CCDC102B: variants seen among roughly 807,000 people sequenced by gnomAD.
CCDC102B encodes coiled-coil domain-containing protein 102B.
In CCDC102B, 75 loss-of-function variants were observed where a neutral mutation model predicts 57.4. The observed-to-expected ratio is 1.31, with a 90% CI of 1.08 to 1.58. CCDC102B has a LOEUF of 1.58. Ranked by LOEUF, CCDC102B falls within the 40% of genes most tolerant of loss-of-function variation. The pLI, the probability that CCDC102B is intolerant of heterozygous loss-of-function variation, is 0.00. For missense variants in CCDC102B, 636 were observed against 582.6 expected (o/e 1.09, Z -0.94); for synonymous variants, 206 against 201.9 (o/e 1.02, Z -0.17).
intron 7 of CCDC102B, chr18:69,011,344 C>A: frequency 2.2e-6 from 1 of 446,560 alleles, no homozygotes; most frequent in Non-Finnish European, 3.9e-6. Context: ...TTCAGCATGA[C>A]CTTGTGTGCA....
chr18:68,971,925 T>TC (rs200038687), intron 6 of CCDC102B, among the ~76,000 whole-genome samples: 3,796 of 152,256 alleles, frequency 0.025, 119 homozygotes, highest in East Asian at 0.15. Context: ...TTCCTTTCCT[T>TC]CACTTCATCT....
intron 2 of CCDC102B, among the ~76,000 whole-genome samples, chr18:68,792,191 A>G (rs1007621264): frequency 2.0e-5 from 3 of 152,218 alleles, no homozygotes; most frequent in Non-Finnish European, 2.9e-5. Context: ...TTTATCAGCT[A>G]TATCTGATGA....
intron 1 of CCDC102B, chr18:68,798,601 T>C (rs992040501): frequency 3.9e-5 from 6 of 152,150 alleles, no homozygotes; most frequent in African/African-American, 1.4e-4. Flanking sequence ...ATGGAAATCC[T>C]CCTATCTATG....
intron 4 of CCDC102B, among the ~76,000 whole-genome samples, chr18:68,850,522 A>G (rs1599563827): frequency 6.6e-6 from 1 of 152,018 alleles, no homozygotes; most frequent in Admixed American, 6.6e-5. Flanking sequence ...AAACTCATCA[A>G]CCTGCCAATT....
chr18:68,943,154 G>C (rs2049434677), intron 6 of CCDC102B, among the ~76,000 whole-genome samples: 1 of 151,018 alleles, frequency 6.6e-6, no homozygotes, highest in Admixed American at 6.6e-5. Context: ...ATTTTTCTTA[G>C]TACAGAACAA....
chr18:68,808,281 A>G (rs1253415912), intron 1 of CCDC102B, among the ~76,000 whole-genome samples: 1 of 152,084 alleles, frequency 6.6e-6, no homozygotes, highest in African/African-American at 2.4e-5. Context: ...TCATATAAAT[A>G]TAATAATTCT....
At chr18:68,887,084 T>G (rs997737059) in intron 5 of CCDC102B, among the ~76,000 whole-genome samples, 1 of 152,076 alleles carries the variant, frequency 6.6e-6, no homozygotes, top group South Asian at 2.1e-4. Flanking sequence ...CCACAAAGGT[T>G]TTTCCTCATG....
chr18:68,811,345 G>A (rs2036256157), intron 1 of CCDC102B, among the ~76,000 whole-genome samples: 1 of 152,190 alleles, frequency 6.6e-6, no homozygotes, highest in African/African-American at 2.4e-5. Flanking sequence ...AAGAGGCTGG[G>A]CTTGGTGGGT....
At chr18:69,011,588 A>C (rs1160420224) in intron 7 of CCDC102B, among the ~76,000 whole-genome samples, 1 of 152,038 alleles carries the variant, frequency 6.6e-6, no homozygotes, top group Non-Finnish European at 1.5e-5. Context: ...AAATTCCTGG[A>C]AGATAGATAT....
intron 2 of CCDC102B, among the ~76,000 whole-genome samples, chr18:68,776,578 C>A (rs2034825332): frequency 1.3e-5 from 2 of 152,078 alleles, no homozygotes; most frequent in East Asian, 1.9e-4. Flanking sequence ...AAAACAAAAT[C>A]TCGCATGTTC....
At chr18:68,925,710 G>A (rs758965185) in intron 6 of CCDC102B, among the ~76,000 whole-genome samples, 22 of 151,838 alleles carry the variant, frequency 1.4e-4, no homozygotes, top group Non-Finnish European at 2.5e-4. Flanking sequence ...TTTTAAAAGT[G>A]GAAGATGTTA....
intron 2 of CCDC102B, among the ~76,000 whole-genome samples, chr18:68,736,702 A>T (rs1325088657): frequency 6.6e-6 from 1 of 152,116 alleles, no homozygotes; most frequent in Non-Finnish European, 1.5e-5. Context: ...GAAACCTGTG[A>T]TAAACCCATC....
At chr18:68,895,390 T>A (rs1599648761) in intron 5 of CCDC102B, among the ~76,000 whole-genome samples, 1 of 151,876 alleles carries the variant, frequency 6.6e-6, no homozygotes, top group East Asian at 1.9e-4. Flanking sequence ...TTTTTAGGCT[T>A]TTATATCATA....
At chr18:68,855,975 C>A (rs918519778) in intron 4 of CCDC102B, among the ~76,000 whole-genome samples, 3 of 152,004 alleles carry the variant, frequency 2.0e-5, no homozygotes, top group Non-Finnish European at 2.9e-5. Context: ...GGAATACAGG[C>A]CACTTTCTCG....
At chr18:68,984,719 T>C (rs570593574) in intron 6 of CCDC102B, among the ~76,000 whole-genome samples, 1 of 152,278 alleles carries the variant, frequency 6.6e-6, no homozygotes, top group Admixed American at 6.5e-5. Context: ...GCTTCTCTTT[T>C]AGAAATACCA....
In CCDC102B at chr18:68,798,200, C is replaced by T. The variant is rs2035701426; in HGVS notation, c.-16+19C>T. ...CCAGAGGGTAAGAGTGTTTAATAAC[C>T]TTGTGGTTTTCTATTTAATTTTTAT... is the stretch of plus-strand genomic sequence containing the variant. On this transcript the variant is annotated intron_variant, in intron 1 of 7. Transcript: ENST00000360242. 6.6e-6 allele frequency: 1 copy of T among 152,014 alleles called. No individual in the cohort carries two copies. The highest frequency in any genetic ancestry group is 1.5e-5 in the Non-Finnish European group (1 of 67,990). 9.4% of individuals were successfully genotyped at this position (152,014 alleles called of 1,614,324 possible). A position where few individuals can be genotyped will look rare whatever the true frequency, so the allele number is the denominator to read the frequency against.
At chr18:68,808,418 A>AT (rs2036110608) in intron 1 of CCDC102B, among the ~76,000 whole-genome samples, 1 of 151,346 alleles carries the variant, frequency 6.6e-6, no homozygotes, top group Admixed American at 6.6e-5. Flanking sequence ...GCATAATAAA[A>AT]TAACATTTGG....
At chr18:68,805,807 T>A (rs987791284) in intron 1 of CCDC102B, among the ~76,000 whole-genome samples, 2 of 152,168 alleles carry the variant, frequency 1.3e-5, no homozygotes, top group Non-Finnish European at 2.9e-5. Context: ...ACTTTGGACA[T>A]GAAAATTTTT....
intron 5 of CCDC102B, among the ~76,000 whole-genome samples, chr18:68,893,716 C>T (rs1437126317): frequency 6.6e-6 from 1 of 152,100 alleles, no homozygotes; most frequent in Non-Finnish European, 1.5e-5. Context: ...TCAACAATAT[C>T]AAGCCATGGC....
Sources: allele counts gnomAD v4.1 joint callset (sites outside exome capture counted in the v4.1 genomes callset), GRCh38; gene constraint gnomAD v4.1.1; transcripts MANE v1.5; gene names NCBI Gene and HGNC (gene_info 2026-07-23, HGNC 2026-07-21).